The following CLNK variants were observed in gnomAD, a reference collection of about 807,000 sequenced individuals.
The protein encoded by CLNK is cytokine dependent hematopoietic cell linker.
CLNK carries 74 observed loss-of-function variants against 68.6 expected under a neutral mutation model. That is an observed-to-expected ratio of 1.08 (90% CI 0.89 to 1.31). The LOEUF (loss-of-function observed/expected upper bound fraction) is 1.31. Among genes scored for constraint, CLNK ranks in the 50% most tolerant of loss-of-function variants. The pLI is 0.00. For synonymous variants in CLNK, 198 were observed against 172.2 expected, an observed-to-expected ratio of 1.15 and a Z score of -1.17; for missense variants, 553 against 515.3, an observed-to-expected ratio of 1.07 and a Z score of -0.71.
At chr4:10,657,411 T>C (rs998234115) in intron 2 of CLNK, among the ~76,000 whole-genome samples, 5 of 152,242 alleles carry the variant, frequency 3.3e-5, no homozygotes, top group Admixed American at 2.6e-4. Context: ...ATATCTAATA[T>C]GTTTTATTGT....
At chr4:10,551,421 A>G (rs1172582803) in intron 8 of CLNK, among the ~76,000 whole-genome samples, 4 of 124,276 alleles carry the variant, frequency 3.2e-5, no homozygotes, top group African/African-American at 1.0e-4. Flanking sequence ...ATTTTTTTGT[A>G]TATATATATA....
the CLNK span, among the ~76,000 whole-genome samples, chr4:10,718,688 AAAAATATGTT>A: frequency 1.3e-5 from 2 of 152,172 alleles, no homozygotes; most frequent in Non-Finnish European, 2.9e-5. Flanking sequence ...AAACAACAAA[AAAAATATGTT>A]AAGAAATCTT....
At chr4:10,632,008 A>G (rs1722912554) in intron 2 of CLNK, among the ~76,000 whole-genome samples, 1 of 152,260 alleles carries the variant, frequency 6.6e-6, no homozygotes, top group African/African-American at 2.4e-5. Context: ...GCAGTATAAC[A>G]TGGTGGCTGA....
At chr4:10,713,784 C>G in the CLNK span, among the ~76,000 whole-genome samples, 3 of 152,108 alleles carry the variant, frequency 2.0e-5, no homozygotes, top group South Asian at 2.1e-4. Flanking sequence ...TGCTCCTTCT[C>G]TCATCATGTG....
At chr4:10,630,604 G>T (rs1722848801) in intron 2 of CLNK, among the ~76,000 whole-genome samples, 1 of 152,132 alleles carries the variant, frequency 6.6e-6, no homozygotes, top group Admixed American at 6.5e-5. Flanking sequence ...GAGAGGGAAG[G>T]CTTATATACC....
chr4:10,664,974 CA>C (rs2108891273), intron 2 of CLNK, among the ~76,000 whole-genome samples: 1 of 152,226 alleles, frequency 6.6e-6, no homozygotes, highest in Admixed American at 6.5e-5. Flanking sequence ...CCTGAGGGTG[CA>C]CAAGAGGAAA....
intron 2 of CLNK, among the ~76,000 whole-genome samples, chr4:10,628,950 C>T (rs1480147874): frequency 1.3e-5 from 2 of 152,172 alleles, no homozygotes; most frequent in South Asian, 2.1e-4. Flanking sequence ...TTGTCACAAA[C>T]CATTGTCTGC....
chr4:10,530,547 C>T (rs1718494386), intron 12 of CLNK, among the ~76,000 whole-genome samples: 1 of 152,224 alleles, frequency 6.6e-6, no homozygotes, highest in Non-Finnish European at 1.5e-5. Flanking sequence ...ATGATATCAA[C>T]TTCTAGCAGA....
At chr4:10,643,405 G>A (rs993033158) in intron 2 of CLNK, among the ~76,000 whole-genome samples, 7 of 152,236 alleles carry the variant, frequency 4.6e-5, no homozygotes, top group Non-Finnish European at 1.0e-4. Context: ...CACAGTCCTT[G>A]TCCTGATGAT....
chr4:10,726,312 G>A, the CLNK span, among the ~76,000 whole-genome samples: 1 of 152,182 alleles, frequency 6.6e-6, no homozygotes, highest in African/African-American at 2.4e-5. Context: ...GTGGAGATAA[G>A]GTTTCACCAT....
rs1722976065 is a variant in CLNK, at chr4:10,633,724, C to T, written c.11+34135G>A. Among the ~76,000 whole-genome samples the T allele has an allele frequency of 2.0e-5, 3 of 152,170 alleles. 1 individual carries two copies. Among genetic ancestry groups the T allele is most frequent in the Admixed American group, 1.3e-4 (2 of 15,280 alleles). On this transcript the variant is annotated intron_variant, in intron 2 of 18. Transcript: ENST00000226951. ...TACAAATGTAATTTGGCTGTATATA[C>T]AGAAGCAGACAGAATCTGTCACTCA...
At position 10,487,996 on chromosome 4, in the gene CLNK, C is replaced by G. The variant is rs1006251556; in HGVS notation, c.*2471G>C. On this transcript the variant is annotated 3_prime_UTR_variant, in exon 19 of 19. Transcript: ENST00000226951. ...AACCCGACACCCAATCCCTCAAACC[C>G]CAATCACCAGAAGCAGCCCATGTCA... 1.3e-5 allele frequency: 2 copies of G among 152,186 alleles called. No individual in the cohort carries two copies. Among genetic ancestry groups the G allele is most frequent in the Non-Finnish European group, 2.9e-5 (2 of 68,056 alleles). 9.4% of individuals were successfully genotyped at this position (152,186 alleles called of 1,614,324 possible). A position where few individuals can be genotyped will look rare whatever the true frequency, so the allele number is the denominator to read the frequency against.
At chr4:10,556,935 G>C (rs946011438) in intron 8 of CLNK, among the ~76,000 whole-genome samples, 1 of 151,958 alleles carries the variant, frequency 6.6e-6, no homozygotes, top group Admixed American at 6.6e-5. Flanking sequence ...AATTAGCCAG[G>C]CATGGTGGAA....
At chr4:10,649,658 G>A (rs1271157593) in intron 2 of CLNK, among the ~76,000 whole-genome samples, 3 of 152,112 alleles carry the variant, frequency 2.0e-5, no homozygotes, top group Non-Finnish European at 4.4e-5. Flanking sequence ...TGATACTTAA[G>A]GGACAAAATT....
intron 3 of CLNK, 130 bp from the exon 4 acceptor site, chr4:10,585,085 T>C (rs1720922489): frequency 1.3e-6 from 1 of 766,364 alleles, no homozygotes; most frequent in East Asian, 2.7e-5. Flanking sequence ...ATGTATGTAC[T>C]ATTGTAGACC....
chr4:10,590,766 T>C (rs1047586277), intron 3 of CLNK, among the ~76,000 whole-genome samples: 1 of 152,214 alleles, frequency 6.6e-6, no homozygotes, highest in African/African-American at 2.4e-5. Flanking sequence ...GGAAAGTTTC[T>C]GCATTCATCA....
intron 4 of CLNK, among the ~76,000 whole-genome samples, chr4:10,583,990 G>A (rs1408908527): frequency 6.6e-6 from 1 of 152,194 alleles, no homozygotes; most frequent in African/African-American, 2.4e-5. Context: ...GGTGAGAGGT[G>A]CAGGTAGGTG....
At chr4:10,705,933 G>C in the CLNK span, among the ~76,000 whole-genome samples, 1 of 152,226 alleles carries the variant, frequency 6.6e-6, no homozygotes, top group Admixed American at 6.5e-5. Flanking sequence ...ATAGGCTCTG[G>C]TTTCAGCATC....
intron 2 of CLNK, among the ~76,000 whole-genome samples, chr4:10,634,548 T>C (rs1723009059): frequency 6.6e-6 from 1 of 152,240 alleles, no homozygotes; most frequent in Admixed American, 6.5e-5. Flanking sequence ...GCCTGGATTC[T>C]GCCTACTGGG....
Sources: gnomAD v4.1 joint callset for allele counts (sites outside exome capture counted in the v4.1 genomes callset) on GRCh38, gnomAD v4.1.1 for gene constraint, MANE v1.5 for transcripts, NCBI Gene and HGNC (gene_info 2026-07-23, HGNC 2026-07-21) for gene names.